EPB41L4B: variants seen among roughly 807,000 people sequenced by gnomAD.
EPB41L4B encodes band 4.1-like protein 4B.
A neutral mutation model predicts 112.5 loss-of-function variants in EPB41L4B; 30 were observed. The ratio of observed to expected loss-of-function variants is 0.27; its 90% CI spans 0.20 to 0.36. EPB41L4B has a LOEUF of 0.36. Among genes scored for constraint, EPB41L4B ranks in the 10% least tolerant of loss-of-function variants. EPB41L4B has a pLI of 1.00. For synonymous variants in EPB41L4B, 408 were observed against 439.7 expected (o/e 0.93, Z 0.90); for missense variants, 1,024 against 1,133.3 (o/e 0.90, Z 1.38).
At chr9:109,200,098 C>A (rs1832770575) in intron 20 of EPB41L4B, 138 bp downstream of exon 20, 1 of 647,148 alleles carries the variant, frequency 1.5e-6, no homozygotes, top group African/African-American at 1.8e-5. Flanking sequence ...GGGCTAGTCT[C>A]ATTATTACCT....
chr9:109,301,440 C>T (rs1435892326), intron 1 of EPB41L4B, among the ~76,000 whole-genome samples: 1 of 152,088 alleles, frequency 6.6e-6, no homozygotes, highest in African/African-American at 2.4e-5. Context: ...GACTGGTGTA[C>T]CCCACACTCC....
At chr9:109,203,766 A>G (rs369329594) in intron 18 of EPB41L4B, 36 bp from the exon 19 acceptor site, 41 of 1,538,326 alleles carry the variant, frequency 2.7e-5, no homozygotes, top group Middle Eastern at 3.4e-4. Context: ...TCAAAACTGA[A>G]TATGTTGGCA....
At chr9:109,305,751 C>T (rs1023199083) in intron 1 of EPB41L4B, among the ~76,000 whole-genome samples, 2 of 151,926 alleles carry the variant, frequency 1.3e-5, no homozygotes, top group South Asian at 4.2e-4. Context: ...GGTGAAACCC[C>T]GTCTTTACTA....
At chr9:109,218,269 G>A (rs1041155479) in intron 15 of EPB41L4B, among the ~76,000 whole-genome samples, 4 of 151,496 alleles carry the variant, frequency 2.6e-5, no homozygotes, top group African/African-American at 9.7e-5. Context: ...GGGATTACAG[G>A]TGCACACCAC....
At chr9:109,246,786 C>T (rs1164463747) in intron 14 of EPB41L4B, among the ~76,000 whole-genome samples, 1 of 152,212 alleles carries the variant, frequency 6.6e-6, no homozygotes, top group Non-Finnish European at 1.5e-5. Flanking sequence ...CCTGGTTGGC[C>T]GTCCTGAGAA....
At chr9:109,192,850 G>A (rs1214617563) in intron 21 of EPB41L4B, among the ~76,000 whole-genome samples, 1 of 152,140 alleles carries the variant, frequency 6.6e-6, no homozygotes, top group Admixed American at 6.5e-5. Context: ...TGCATGGATG[G>A]CCTCGAGGTC....
chr9:109,218,625 C>T (rs1292320239), intron 15 of EPB41L4B, among the ~76,000 whole-genome samples: 1 of 152,026 alleles, frequency 6.6e-6, no homozygotes, highest in Non-Finnish European at 1.5e-5. Flanking sequence ...CAGCACCTCC[C>T]CCCGCCCCCA....
intron 24 of EPB41L4B, 146 bp from the exon 25 acceptor site, chr9:109,176,842 G>A (rs1305856697): frequency 1.1e-6 from 1 of 897,878 alleles, no homozygotes; most frequent in Non-Finnish European, 1.7e-6. Flanking sequence ...ATTTTACTTT[G>A]TGCCAGACAC....
intron 2 of EPB41L4B, among the ~76,000 whole-genome samples, chr9:109,278,468 AATTCCCAGGTACCGATTTTGTAC>A (rs1403522342): frequency 2.0e-5 from 3 of 152,154 alleles, no homozygotes; most frequent in Non-Finnish European, 4.4e-5. Flanking sequence ...CAGCAGACCT[AATTCCCAGGTACCGATTTTGTAC>A]ATCTTCACCT....
At chr9:109,266,714 T>C (rs1241884444) in intron 4 of EPB41L4B, among the ~76,000 whole-genome samples, 3 of 152,146 alleles carry the variant, frequency 2.0e-5, no homozygotes, top group Non-Finnish European at 2.9e-5. Flanking sequence ...ACACCTGTAA[T>C]CCCAGCACTT....
chr9:109,253,603 T>C, intron 11 of EPB41L4B, 53 bp from the exon 12 acceptor site: 1 of 1,186,254 alleles, frequency 8.4e-7, no homozygotes, highest in Non-Finnish European at 1.3e-6. Context: ...CTCAGTACAT[T>C]ACCTGTTTTT....
chr9:109,312,236 C>T (rs1426538036), intron 1 of EPB41L4B, among the ~76,000 whole-genome samples: 2 of 152,182 alleles, frequency 1.3e-5, no homozygotes, highest in Non-Finnish European at 2.9e-5. Context: ...GTGAAACCAA[C>T]CAGTTGCTAT....
intron 18 of EPB41L4B, among the ~76,000 whole-genome samples, chr9:109,207,240 T>A (rs986296439): frequency 5.9e-5 from 9 of 152,216 alleles, no homozygotes; most frequent in African/African-American, 2.2e-4. Context: ...ACCTTAGAGT[T>A]GTGTGGCCCA....
intron 19 of EPB41L4B, 85 bp downstream of exon 19, chr9:109,203,578 C>T: frequency 9.1e-7 from 1 of 1,102,418 alleles, no homozygotes. Flanking sequence ...ATTTTATCAG[C>T]TAATGCCCTC....
At chr9:109,200,414 A>G in intron 19 of EPB41L4B, 80 bp from the exon 20 acceptor site, 1 of 1,069,562 alleles carries the variant, frequency 9.3e-7, no homozygotes, top group Non-Finnish European at 1.4e-6. Context: ...CTGCTTTCTC[A>G]GTTAATGTAC....
rs192577727 is a variant in EPB41L4B at position 109,286,009 on chromosome 9, G to C, written c.307-6088C>G. ...GTGTCAGAATCCTACTTCTGACTGAGAGCACTCCCTCCCTGAGGACAGGGA... is the reference window on the plus strand; with the variant it reads ...GTGTCAGAATCCTACTTCTGACTGACAGCACTCCCTCCCTGAGGACAGGGA... On this transcript the variant is annotated intron_variant, in intron 1 of 25. Transcript: ENST00000374566. Among the ~76,000 whole-genome samples, 1,215 of 151,080 alleles carry C rather than the reference G, an allele frequency of 8.0e-3. 20 individuals carry two copies. The highest frequency in any genetic ancestry group is 0.028 in the African/African-American group (1,153 of 40,496).
rs750774006 is a variant in EPB41L4B at position 109,208,033 on chromosome 9, A to T, written c.1769T>A (p.Val590Asp). The T allele has an allele frequency of 6.2e-7, 1 of 1,614,162 alleles. No homozygotes were observed. Among genetic ancestry groups the T allele is most frequent in the Non-Finnish European group, 8.5e-7 (1 of 1,180,040 alleles). ...ININKAEEKKVSEKTLQTPLL... is the reference protein window; with the variant it reads ...ININKAEEKKDSEKTLQTPLL... ...TGGAGTCTGAAGAGTTTTCTCCGAG[A>T]CTTTCTTTTCTTCAGCCTGAGACAA... Residue 590 changes from valine (V) to aspartate (D), a missense_variant, in exon 18 of 26, where the codon GTC (valine) becomes GAC (aspartate). By Grantham distance (152) the Val-to-Asp change is radical. Coordinates refer to ENST00000374566, the MANE Select transcript of EPB41L4B (RefSeq NM_019114.5).
rs1228493959 is a variant in EPB41L4B, at chr9:109,216,929, G to A, written c.1626C>T (p.Ser542=). 2 of 1,614,028 alleles carry A rather than the reference G, an allele frequency of 1.2e-6. No homozygotes were observed. Among genetic ancestry groups the A allele is most frequent in the Non-Finnish European group, 1.7e-6 (2 of 1,179,934 alleles). The change falls in exon 16 of 26, where the codon TCC becomes TCT. Residue 542 remains serine, a synonymous_variant. Transcript: ENST00000374566. ...CCCTCCACCCCTACTCACTTGTAAG[G>A]GACTTGCTGCTGGAGTTTGGGGACC... is the stretch of plus-strand genomic sequence containing the variant. ...PLRSPNSSSK[S]LTKLSPGTPA... is the part of the protein sequence containing the mutation.
intron 1 of EPB41L4B, 94 bp downstream of exon 1, chr9:109,320,047 G>T (rs990889096): frequency 2.0e-5 from 22 of 1,096,478 alleles, no homozygotes; most frequent in Non-Finnish European, 2.5e-5. Context: ...CCAGGGAGGT[G>T]CAAGGGAAGC....
Sources: allele counts gnomAD v4.1 joint callset (sites outside exome capture counted in the v4.1 genomes callset), GRCh38; gene constraint gnomAD v4.1.1; transcripts MANE v1.5; gene names NCBI Gene and HGNC (gene_info 2026-07-23, HGNC 2026-07-21).